The following ATP1B1 variants were observed in gnomAD, a reference collection of about 807,000 sequenced individuals.
ATP1B1 encodes sodium/potassium-transporting ATPase subunit beta-1.
A neutral mutation model predicts 39.6 loss-of-function variants in ATP1B1; 3 were observed. The ratio of observed to expected loss-of-function variants is 0.08; its 90% CI spans 0.03 to 0.20. The LOEUF (loss-of-function observed/expected upper bound fraction) is 0.20, where lower values mean the gene tolerates loss of function less well. ATP1B1 is among the 10% of genes least tolerant of loss of function. The pLI is 1.00. For synonymous variants in ATP1B1, 139 were observed against 135.0 expected (o/e 1.03, Z -0.20); for missense variants, 216 against 371.1 (o/e 0.58, Z 3.43).
Position 169,106,742 on chromosome 1 carries a change from G to A in ATP1B1, c.-88G>A. The stretch of plus-strand genomic sequence containing the variant: ...CGTCCTGCCTGCAGAGAGCCAGGCC[G>A]GAGAAGCCGAGCGGCGCAGAGGACG... On this transcript the variant is annotated 5_prime_UTR_variant, in exon 1 of 6. Transcript: ENST00000367815. The A allele has an allele frequency of 1.8e-6, 2 of 1,093,704 alleles. No individual in the cohort carries two copies. Among genetic ancestry groups the A allele is most frequent in the Non-Finnish European group, 2.5e-6 (2 of 789,318 alleles). 67.7% of individuals were successfully genotyped at this position (1,093,704 alleles called of 1,614,324 possible).
At chr1:169,108,821 C>T (rs1403656228) in intron 1 of ATP1B1, among the ~76,000 whole-genome samples, 1 of 152,226 alleles carries the variant, frequency 6.6e-6, no homozygotes, top group Admixed American at 6.5e-5. Flanking sequence ...CTCTTCCCTT[C>T]CATGTTCCAC....
intron 1 of ATP1B1, among the ~76,000 whole-genome samples, chr1:169,107,181 C>T (rs111602403): frequency 0.051 from 7,779 of 152,190 alleles, 623 homozygotes; most frequent in African/African-American, 0.18. Flanking sequence ...GCGATCTTGG[C>T]TTGGTAATTT....
chr1:169,106,773 G>A lies in ATP1B1; in HGVS notation c.-57G>A. The A allele has an allele frequency of 6.9e-7, 1 of 1,443,700 alleles. No homozygotes were observed. Among genetic ancestry groups the A allele is most frequent in the South Asian group, 1.3e-5 (1 of 79,876 alleles). The allele number at this position is 1,443,700 out of a possible 1,614,324, so 89.4% of individuals were successfully genotyped here. ...GCCGAGCGGCGCAGAGGACGCCAGG[G>A]CGCGCGCCGCAGCCACCCACCCTCC... On this transcript the variant is annotated 5_prime_UTR_variant, in exon 1 of 6. Transcript: ENST00000367815.
At position 169,132,663 on chromosome 1, in the gene ATP1B1, CTTG is replaced by C. The variant is rs1658266628; in HGVS notation, c.*1112_*1114del. ...TAATAATTGCCAGGAGTACAGTGCT[CTTG>C]TTGATCTTGTATTCAGTCAGGTTAA... On this transcript the variant is annotated 3_prime_UTR_variant, in exon 6 of 6. Coordinates refer to ENST00000367815, the MANE Select transcript of ATP1B1 (RefSeq NM_001677.4). 1 of 876,020 alleles carries C rather than the reference CTTG, an allele frequency of 1.1e-6. No homozygotes were observed. Among genetic ancestry groups the C allele is most frequent in the Non-Finnish European group, 1.8e-6 (1 of 557,710 alleles). The allele number at this position is 876,020 out of a possible 1,614,324, so 54.3% of individuals were successfully genotyped here. A position where few individuals can be genotyped will look rare whatever the true frequency, so the allele number is the denominator to read the frequency against.
At chr1:169,123,625 C>T (rs944693353) in intron 2 of ATP1B1, among the ~76,000 whole-genome samples, 3 of 149,706 alleles carry the variant, frequency 2.0e-5, no homozygotes, top group African/African-American at 4.9e-5. Context: ...ATCTATCTAT[C>T]TATATATATA....
In ATP1B1 at chr1:169,131,704, T is replaced by G; in HGVS notation, c.*149T>G. The G allele has an allele frequency of 1.1e-6, 1 of 900,518 alleles. No homozygotes were observed. Among genetic ancestry groups the G allele is most frequent in the African/African-American group, 1.7e-5 (1 of 59,362 alleles). 55.8% of individuals were successfully genotyped at this position (900,518 alleles called of 1,614,324 possible). On this transcript the variant is annotated 3_prime_UTR_variant, in exon 6 of 6. Transcript: ENST00000367815. The surrounding 1 kb of genome is among the most constrained non-coding windows in gnomAD (Gnocchi z 4.4). Reference sequence around the variant, plus strand: ...CACTAGCTTTCTGCATTTAATAGGTTAGAATGTAAATTAAAGTGTAGCAAT... The same window carrying G: ...CACTAGCTTTCTGCATTTAATAGGTGAGAATGTAAATTAAAGTGTAGCAAT...
At chr1:169,108,285 T>G (rs1657648202) in intron 1 of ATP1B1, 1 of 152,204 alleles carries the variant, frequency 6.6e-6, no homozygotes, top group Non-Finnish European at 1.5e-5. Flanking sequence ...TTGGGGAGAC[T>G]TCTTCATTGA....
chr1:169,117,522 G>A (rs919772357), intron 2 of ATP1B1, among the ~76,000 whole-genome samples: 3 of 152,142 alleles, frequency 2.0e-5, no homozygotes, highest in African/African-American at 7.2e-5. Context: ...AAGCAGAACA[G>A]AGACCTGATA....
chr1:169,127,885 A>C (rs1041377957), intron 4 of ATP1B1, among the ~76,000 whole-genome samples: 10 of 152,320 alleles, frequency 6.6e-5, no homozygotes, highest in Middle Eastern at 3.4e-3. Flanking sequence ...ATTTCAAAAA[A>C]ATTGATAATC....
intron 1 of ATP1B1, chr1:169,110,584 T>C: frequency 1.9e-6 from 2 of 1,034,524 alleles, no homozygotes; most frequent in Non-Finnish European, 2.5e-6. Context: ...TTTTTTTTTT[T>C]TTGCTTTTGC....
intron 2 of ATP1B1, among the ~76,000 whole-genome samples, chr1:169,117,580 A>T (rs940700122): frequency 6.6e-6 from 1 of 152,094 alleles, no homozygotes; most frequent in Non-Finnish European, 1.5e-5. Flanking sequence ...GGTGGGGGAA[A>T]AAAAAAAGCT....
intron 1 of ATP1B1, 34 bp downstream of exon 1, chr1:169,106,960 G>C (rs1416231972): frequency 3.9e-6 from 6 of 1,547,150 alleles, no homozygotes; most frequent in Admixed American, 3.8e-5. Flanking sequence ...CGGCCGCCGC[G>C]TCTGATCTTT....
intron 2 of ATP1B1, among the ~76,000 whole-genome samples, chr1:169,115,692 C>T (rs1382123117): frequency 6.6e-6 from 1 of 152,182 alleles, no homozygotes; most frequent in Non-Finnish European, 1.5e-5. Context: ...GCAGCAGTTT[C>T]TTCTTTTTGG....
chr1:169,113,065 A>G (rs921349149), intron 2 of ATP1B1, among the ~76,000 whole-genome samples: 2 of 150,970 alleles, frequency 1.3e-5, no homozygotes, highest in Non-Finnish European at 2.9e-5. Flanking sequence ...ATGTGATTTT[A>G]TAATTCTTTT....
rs1286547369 is a variant in ATP1B1, at chr1:169,132,200, C to G, written c.*645C>G. 1 of 656,118 alleles carries G rather than the reference C, an allele frequency of 1.5e-6. No homozygotes were observed. The highest frequency in any genetic ancestry group is 4.3e-4 in the Middle Eastern group (1 of 2,316). 40.6% of individuals were successfully genotyped at this position (656,118 alleles called of 1,614,324 possible). A position where few individuals can be genotyped will look rare whatever the true frequency, so the allele number is the denominator to read the frequency against. On this transcript the variant is annotated 3_prime_UTR_variant, in exon 6 of 6. Transcript: ENST00000367815. ...ACTGCCCTTTAAATTTTAAGTGACA[C>G]TACAGAAAAACACAAAAAGGTGATG...
chr1:169,112,577 G>A (rs1377760868), intron 2 of ATP1B1, among the ~76,000 whole-genome samples: 4 of 152,202 alleles, frequency 2.6e-5, no homozygotes, highest in African/African-American at 4.8e-5. Context: ...CCTAGATCAA[G>A]GGCTACTGCC....
rs1658210033 is a variant in ATP1B1 at position 169,131,077 on chromosome 1, TATTTG to T, written c.649-214_649-210del. On this transcript the variant is annotated intron_variant, in intron 5 of 5. Transcript: ENST00000367815. The surrounding 1 kb of genome is among the most constrained non-coding windows in gnomAD (Gnocchi z 4.4). ...GTTTCTAGGAGGCTTGAAGAATGCT[TATTTG>T]GCATTTGACTCAGCTTCCCCATCCA... Among the ~76,000 whole-genome samples the T allele has an allele frequency of 6.6e-6, 1 of 152,164 alleles. No homozygotes were observed. The highest frequency in any genetic ancestry group is 1.5e-5 in the Non-Finnish European group (1 of 68,032).
intron 2 of ATP1B1, among the ~76,000 whole-genome samples, chr1:169,117,577 G>A (rs1407594306): frequency 8.8e-5 from 13 of 148,482 alleles, no homozygotes; most frequent in South Asian, 4.3e-4. Flanking sequence ...GATGGTGGGG[G>A]AAAAAAAAAA....
chr1:169,124,011 G>C (rs1658038810), intron 2 of ATP1B1, among the ~76,000 whole-genome samples: 1 of 152,118 alleles, frequency 6.6e-6, no homozygotes, highest in Non-Finnish European at 1.5e-5. Context: ...AATGTTCTTT[G>C]CTTATCTAAA....
Sources: allele counts gnomAD v4.1 joint callset (sites outside exome capture counted in the v4.1 genomes callset), GRCh38; gene constraint gnomAD v4.1.1; non-coding constraint Gnocchi (gnomAD v3.1); transcripts MANE v1.5; gene names NCBI Gene and HGNC (gene_info 2026-07-23, HGNC 2026-07-21).